AGR3: variants seen among roughly 807,000 people sequenced by gnomAD.
The protein encoded by AGR3 is anterior gradient 3, protein disulphide isomerase family member.
AGR3 carries 37 observed loss-of-function variants against 24.5 expected under a neutral mutation model. The ratio of observed to expected loss-of-function variants is 1.51; its 90% CI spans 1.16 to 1.99. The LOEUF (loss-of-function observed/expected upper bound fraction) is 1.99, where lower values mean the gene tolerates loss of function less well. Ranked by LOEUF, AGR3 falls within the 30% of genes most tolerant of loss-of-function variation. The pLI is 0.00. For synonymous variants in AGR3, 75 were observed against 61.6 expected (o/e 1.22, Z -1.02); for missense variants, 228 against 191.1 (o/e 1.19, Z -1.14).
intron 3 of AGR3, chr7:16,864,651 T>C: frequency 6.3e-7 from 1 of 1,582,720 alleles, no homozygotes; most frequent in Non-Finnish European, 8.7e-7. Context: ...GGCATAAAGC[T>C]GGTAGGCAGA....
intron 3 of AGR3, among the ~76,000 whole-genome samples, chr7:16,868,336 G>A (rs1047594360): frequency 1.4e-4 from 21 of 152,048 alleles, no homozygotes; most frequent in African/African-American, 5.1e-4. Flanking sequence ...TGTATTTTTA[G>A]TAGAGATGGG....
At chr7:16,863,043 C>T (rs915788662) in intron 3 of AGR3, among the ~76,000 whole-genome samples, 1 of 152,166 alleles carries the variant, frequency 6.6e-6, no homozygotes, top group Non-Finnish European at 1.5e-5. Flanking sequence ...GCACTCCAGC[C>T]TGGGTGACAG....
Position 16,881,381 on chromosome 7 carries a change from A to G in AGR3, c.-28+563T>C, listed in dbSNP as rs201867978. ...ACAACTTGTACACTGTAGATTTTGA[A>G]TAAATAACGCTTTCCTTGGTAAAAT... On this transcript the variant is annotated intron_variant, in intron 1 of 7. Transcript: ENST00000310398. Among the ~76,000 whole-genome samples the G allele has an allele frequency of 4.6e-5, 7 of 152,350 alleles. No individual in the cohort carries two copies. The East Asian group carries it at 1.2e-3, about 25-fold the overall frequency.
At chr7:16,858,600 A>T (rs1218210373), downstream of AGR3, among the ~76,000 whole-genome samples, 1 of 152,162 alleles carries the variant, frequency 6.6e-6, no homozygotes, top group Admixed American at 6.5e-5. Context: ...AGCTGGATGC[A>T]GTGGCTCGGG....
At chr7:16,873,406 G>A (rs1781922325) in intron 3 of AGR3, 1 of 165,780 alleles carries the variant, frequency 6.0e-6, no homozygotes, top group Admixed American at 5.9e-5. Flanking sequence ...ACTAATAGAA[G>A]TAGAGAGTAG....
downstream of AGR3, among the ~76,000 whole-genome samples, chr7:16,858,608 G>T (rs928317645): frequency 6.6e-6 from 1 of 151,926 alleles, no homozygotes; most frequent in Non-Finnish European, 1.5e-5. Flanking sequence ...GCAGTGGCTC[G>T]GGCCTGTAAT....
intron 3 of AGR3, among the ~76,000 whole-genome samples, chr7:16,868,855 G>A (rs1050738727): frequency 1.3e-5 from 2 of 152,088 alleles, no homozygotes; most frequent in Non-Finnish European, 2.9e-5. Flanking sequence ...TGGCTGAATA[G>A]TATTTTATTG....
chr7:16,858,028 C>T (rs186122257), downstream of AGR3, among the ~76,000 whole-genome samples: 19 of 148,432 alleles, frequency 1.3e-4, no homozygotes, highest in African/African-American at 4.1e-4. Context: ...ACTCTTGTTG[C>T]CCAGGCTGGA....
chr7:16,873,241 A>C (rs938252464), intron 3 of AGR3, among the ~76,000 whole-genome samples: 3 of 152,168 alleles, frequency 2.0e-5, no homozygotes, highest in Non-Finnish European at 4.4e-5. Context: ...TTATATATTC[A>C]CAGTGGACTA....
intron 2 of AGR3, among the ~76,000 whole-genome samples, chr7:16,876,370 G>A (rs1030626662): frequency 5.3e-5 from 8 of 152,036 alleles, no homozygotes; most frequent in African/African-American, 1.4e-4. Context: ...ACTGGACTAG[G>A]TACTCAGCAA....
At chr7:16,879,691 C>G (rs531689307) in intron 1 of AGR3, among the ~76,000 whole-genome samples, 49 of 152,252 alleles carry the variant, frequency 3.2e-4, no homozygotes, top group South Asian at 2.1e-3. Flanking sequence ...TGGCTAGTGA[C>G]TGATTCTTTA....
At chr7:16,879,477 A>C (rs568669141) in intron 1 of AGR3, among the ~76,000 whole-genome samples, 9 of 152,352 alleles carry the variant, frequency 5.9e-5, no homozygotes, top group South Asian at 4.1e-4. Context: ...AATACTTGTG[A>C]GATGTTTAGT....
chr7:16,879,722 A>G (rs1782065587), intron 1 of AGR3, among the ~76,000 whole-genome samples: 1 of 152,260 alleles, frequency 6.6e-6, no homozygotes, highest in African/African-American at 2.4e-5. Flanking sequence ...TCAAACAAAG[A>G]TGTTGCTATA....
intron 2 of AGR3, among the ~76,000 whole-genome samples, chr7:16,874,583 C>A (rs558773723): frequency 6.6e-6 from 1 of 152,122 alleles, no homozygotes; most frequent in African/African-American, 2.4e-5. Context: ...TCTCAGTCTA[C>A]GAATGAGAGA....
At chr7:16,872,754 A>G (rs1179055904) in intron 3 of AGR3, among the ~76,000 whole-genome samples, 1 of 152,252 alleles carries the variant, frequency 6.6e-6, no homozygotes, top group Admixed American at 6.5e-5. Flanking sequence ...CAACTCAACA[A>G]CAAAAAACCC....
intron 3 of AGR3, among the ~76,000 whole-genome samples, chr7:16,867,871 A>C (rs77066837): frequency 6.6e-6 from 1 of 152,278 alleles, no homozygotes; most frequent in East Asian, 1.9e-4. Flanking sequence ...TTTTTGATAC[A>C]TGCCCAGCAG....
At chr7:16,880,376 A>T (rs560334623) in intron 1 of AGR3, among the ~76,000 whole-genome samples, 1 of 151,348 alleles carries the variant, frequency 6.6e-6, no homozygotes, top group Non-Finnish European at 1.5e-5. Context: ...GGCCAGGCTG[A>T]TCTCAAACTC....
intron 3 of AGR3, among the ~76,000 whole-genome samples, chr7:16,866,794 T>A (rs1313136568): frequency 6.6e-6 from 1 of 152,170 alleles, no homozygotes; most frequent in East Asian, 1.9e-4. Flanking sequence ...TTTTTCTTGT[T>A]AATATATAGG....
In AGR3 at chr7:16,861,417, C is replaced by A; in HGVS notation, c.334G>T (p.Asp112Tyr). Residue 112 changes from aspartate to tyrosine, a missense_variant, in exon 6 of 8, where the codon GAT becomes TAT. Transcript: ENST00000310398. The stretch of plus-strand genomic sequence containing the variant: ...ATGATTCTAGGCACATATTGCCCAT[C>A]AGGTGATAAATTCTTATCAGTGGTT... ...HETTDKNLSP[D>Y]GQYVPRIMFV... is the part of the protein sequence containing the mutation. 2 of 1,610,746 alleles carry A rather than the reference C, an allele frequency of 1.2e-6. No homozygotes were observed. The highest frequency in any genetic ancestry group is 1.7e-6 in the Non-Finnish European group (2 of 1,178,296).
Sources: allele counts gnomAD v4.1 joint callset (sites outside exome capture counted in the v4.1 genomes callset), GRCh38; gene constraint gnomAD v4.1.1; transcripts MANE v1.5; gene names NCBI Gene and HGNC (gene_info 2026-07-23, HGNC 2026-07-21).